IPCEF1: variants seen among roughly 807,000 people sequenced by gnomAD.
The protein encoded by IPCEF1 is interactor protein for cytohesin exchange factors 1.
Under a neutral mutation model 50.9 loss-of-function variants are expected in IPCEF1, and 31 were observed. The observed-to-expected ratio is 0.61, with a 90% CI of 0.46 to 0.82. The LOEUF (loss-of-function observed/expected upper bound fraction) is 0.82, where lower values mean the gene tolerates loss of function less well. IPCEF1 is among the 40% of genes least tolerant of loss of function. IPCEF1 has a pLI of 0.00. For missense variants in IPCEF1, 458 were observed against 514.0 expected (o/e 0.89, Z 1.05); for synonymous variants, 181 against 192.0 (o/e 0.94, Z 0.47).
At chr6:154,338,464 G>C (rs1170829282) in intron 1 of IPCEF1, among the ~76,000 whole-genome samples, 1 of 152,030 alleles carries the variant, frequency 6.6e-6, no homozygotes, top group East Asian at 1.9e-4. Context: ...GTTATATCTG[G>C]GTTAAAATGA....
At chr6:154,245,734 G>C (rs191505248) in intron 5 of IPCEF1, among the ~76,000 whole-genome samples, 204 of 152,104 alleles carry the variant, frequency 1.3e-3, no homozygotes, top group African/African-American at 4.6e-3. Context: ...TACTACAAAG[G>C]GACTCACACT....
chr6:154,252,239 A>C (rs961148687), intron 3 of IPCEF1, among the ~76,000 whole-genome samples: 6 of 152,222 alleles, frequency 3.9e-5, no homozygotes, highest in Non-Finnish European at 7.3e-5. Context: ...AAGCAATAGA[A>C]GCCCAGCAAG....
chr6:154,264,010 C>CG (rs985997877), intron 3 of IPCEF1, among the ~76,000 whole-genome samples: 14 of 150,960 alleles, frequency 9.3e-5, no homozygotes, highest in African/African-American at 2.7e-4. Context: ...GGCTGACCCC[C>CG]CCCACCTCCC....
At chr6:154,196,042 G>A (rs766375036) in intron 10 of IPCEF1, among the ~76,000 whole-genome samples, 6 of 151,880 alleles carry the variant, frequency 4.0e-5, no homozygotes, top group South Asian at 2.1e-4. Flanking sequence ...CGCCTACCTC[G>A]GCCTCACAAA....
intron 5 of IPCEF1, among the ~76,000 whole-genome samples, chr6:154,245,411 T>C (rs1426800713): frequency 1.3e-5 from 2 of 152,140 alleles, no homozygotes; most frequent in Admixed American, 1.3e-4. Flanking sequence ...TTCCCAGCAC[T>C]GGAATTGGAT....
chr6:154,331,314 AAAG>A (rs377263375), intron 1 of IPCEF1, among the ~76,000 whole-genome samples: 246 of 149,714 alleles, frequency 1.6e-3, no homozygotes, highest in African/African-American at 3.6e-3. Context: ...AAAGAAAAGA[AAAG>A]AAGAAGAAGA....
chr6:154,162,651 T>G (rs180769365), intron 11 of IPCEF1, among the ~76,000 whole-genome samples: 99 of 152,314 alleles, frequency 6.5e-4, no homozygotes, highest in African/African-American at 2.2e-3. Flanking sequence ...TCACGCCACC[T>G]CTTCTCACTG....
chr6:154,253,429 T>C (rs1274445610), intron 3 of IPCEF1, among the ~76,000 whole-genome samples: 1 of 152,228 alleles, frequency 6.6e-6, no homozygotes, highest in Non-Finnish European at 1.5e-5. Flanking sequence ...TATTATGTTT[T>C]TGTAATGTTT....
At chr6:154,296,622 G>T (rs1490652792) in intron 1 of IPCEF1, among the ~76,000 whole-genome samples, 5 of 152,112 alleles carry the variant, frequency 3.3e-5, no homozygotes, top group Non-Finnish European at 7.4e-5. Context: ...GAGGTCAGGA[G>T]ATCAAGACCA....
At position 154,200,031 on chromosome 6, in the gene IPCEF1, G is replaced by C. The variant is rs919180455; in HGVS notation, c.547C>G (p.Gln183Glu). The C allele has an allele frequency of 1.9e-6, 3 of 1,605,358 alleles. No homozygotes were observed. The highest frequency in any genetic ancestry group is 1.7e-6 in the Non-Finnish European group (2 of 1,176,080). Residue 183 changes from glutamine to glutamate, a missense_variant, in exon 10 of 12, where the codon CAG (glutamine) becomes GAG (glutamate). Gln to Glu is a conservative substitution (Grantham distance 29). Coordinates refer to ENST00000367220, the MANE Select transcript of IPCEF1 (RefSeq NM_001130700.2). ...AGGCTGGGTGAGGATGAAGATGCCT[G>C]CTGTGCAGTCTATTTTTCACAAATA... ...ASQTQSLTAQ[Q>E]ASSSSPSLSG...
intron 2 of IPCEF1, among the ~76,000 whole-genome samples, chr6:154,268,364 T>A (rs562928653): frequency 1.1e-4 from 17 of 152,346 alleles, no homozygotes; most frequent in African/African-American, 4.1e-4. Flanking sequence ...TTTGGGTAGC[T>A]GCAGCAGCAC....
At chr6:154,297,774 G>C (rs1782700580) in intron 1 of IPCEF1, among the ~76,000 whole-genome samples, 1 of 152,118 alleles carries the variant, frequency 6.6e-6, no homozygotes, top group Non-Finnish European at 1.5e-5. Flanking sequence ...TGTCTGCAAG[G>C]CCTAGTCTTA....
At chr6:154,165,489 T>C (rs1043868754) in intron 11 of IPCEF1, among the ~76,000 whole-genome samples, 4 of 152,228 alleles carry the variant, frequency 2.6e-5, no homozygotes, top group Non-Finnish European at 1.5e-5. Context: ...CATCAGCATG[T>C]CCTCCTACCT....
intron 3 of IPCEF1, among the ~76,000 whole-genome samples, chr6:154,262,914 C>A (rs1781640185): frequency 6.6e-6 from 1 of 151,678 alleles, no homozygotes; most frequent in Admixed American, 6.6e-5. Context: ...GTAGCTGGGA[C>A]TACAGGTATG....
intron 1 of IPCEF1, among the ~76,000 whole-genome samples, chr6:154,346,688 C>A (rs1368848515): frequency 6.6e-6 from 1 of 152,172 alleles, no homozygotes; most frequent in African/African-American, 2.4e-5. Context: ...CTTCACATGG[C>A]AGCATGAGAG....
chr6:154,320,478 C>G (rs1391066975), intron 1 of IPCEF1, among the ~76,000 whole-genome samples: 1 of 152,158 alleles, frequency 6.6e-6, no homozygotes, highest in African/African-American at 2.4e-5. Context: ...AAAACTGGCT[C>G]TAATACCGAT....
chr6:154,204,537 C>T (rs899887921), intron 9 of IPCEF1, among the ~76,000 whole-genome samples: 8 of 152,134 alleles, frequency 5.3e-5, no homozygotes, highest in African/African-American at 1.9e-4. Context: ...AGAAGCATCA[C>T]CCTAAATACC....
intron 5 of IPCEF1, among the ~76,000 whole-genome samples, chr6:154,237,690 T>C (rs1780243238): frequency 6.6e-6 from 1 of 152,152 alleles, no homozygotes; most frequent in Admixed American, 6.5e-5. Context: ...CATAATAAAG[T>C]ACAGGATTAG....
At chr6:154,190,473 T>C (rs1031439483) in intron 10 of IPCEF1, among the ~76,000 whole-genome samples, 1 of 152,184 alleles carries the variant, frequency 6.6e-6, no homozygotes, top group Non-Finnish European at 1.5e-5. Flanking sequence ...ACTACCCACC[T>C]ACTAGCATGG....
Sources: gnomAD v4.1 joint callset for allele counts (sites outside exome capture counted in the v4.1 genomes callset) on GRCh38, gnomAD v4.1.1 for gene constraint, MANE v1.5 for transcripts, NCBI Gene and HGNC (gene_info 2026-07-23, HGNC 2026-07-21) for gene names.